Variants in CLTRN observed in about 807,000 individuals in gnomAD.
The protein encoded by CLTRN is collectrin, amino acid transport regulator, also known as collectrin.
Under a neutral mutation model 14.5 loss-of-function variants are expected in CLTRN, and 12 were observed. The ratio of observed to expected loss-of-function variants is 0.83; its 90% CI spans 0.53 to 1.34. CLTRN has a LOEUF of 1.34. Ranked by LOEUF, CLTRN falls within the 40% of genes most tolerant of loss-of-function variation. The probability of loss-of-function intolerance (pLI) is 0.00; values close to 1 mark genes in which losing one functional copy is unlikely to be tolerated. For synonymous variants in CLTRN, 58 were observed against 56.5 expected, an observed-to-expected ratio of 1.03 and a Z score of -0.12; for missense variants, 154 against 165.1, an observed-to-expected ratio of 0.93 and a Z score of 0.37.
intron 3 of CLTRN, chrX:15,646,500 CTACTGT>C: frequency 3.1e-6 from 1 of 327,868 alleles, no homozygotes. Flanking sequence ...GCACTGGGCC[CTACTGT>C]CCAGGCCCTT....
intron 3 of CLTRN, chrX:15,646,853 G>C (rs1198940614): frequency 3.3e-6 from 1 of 305,985 alleles, no homozygotes; most frequent in Non-Finnish European, 6.4e-6. Flanking sequence ...CCCGAGCGCA[G>C]AGGGAGCCCG....
intron 2 of CLTRN, among the ~76,000 whole-genome samples, chrX:15,660,806 CCAA>C (rs35179264): frequency 0.059 from 5,974 of 101,365 alleles, 427 homozygotes; most frequent in African/African-American, 0.19. Context: ...GACCCTGTCT[CCAA>C]CAACAACAAC....
intron 1 of CLTRN, 132 bp from the exon 2 acceptor site, chrX:15,664,527 C>T (rs1369773864): frequency 1.5e-6 from 1 of 656,884 alleles, no homozygotes; most frequent in African/African-American, 2.3e-5. Flanking sequence ...GCCCCAAATA[C>T]TCCTGGAAGT....
At chrX:15,633,430 A>T (rs1257496851) in intron 5 of CLTRN, among the ~76,000 whole-genome samples, 7 of 112,592 alleles carry the variant, frequency 6.2e-5, no homozygotes, top group Admixed American at 2.8e-4. Flanking sequence ...AGAATGAAAC[A>T]AGACTGGTGA....
intron 3 of CLTRN, chrX:15,646,877 C>T: frequency 3.3e-6 from 1 of 298,579 alleles, no homozygotes; most frequent in Non-Finnish European, 6.5e-6. Context: ...CCCAGGCCAT[C>T]TGCCTTCGGG....
chrX:15,651,195 T>C (rs765115225), intron 3 of CLTRN, among the ~76,000 whole-genome samples: 4 of 111,689 alleles, frequency 3.6e-5, no homozygotes, highest in Middle Eastern at 9.2e-3. Flanking sequence ...AGCCAGGATG[T>C]TAAACATGCT....
At chrX:15,628,544 T>C (rs1928619995) in intron 5 of CLTRN, among the ~76,000 whole-genome samples, 1 of 112,361 alleles carries the variant, frequency 8.9e-6, no homozygotes, top group South Asian at 3.7e-4. Flanking sequence ...TTAATAACAA[T>C]TGAATTGCTA....
At chrX:15,662,071 C>A (rs957950033) in intron 2 of CLTRN, among the ~76,000 whole-genome samples, 1 of 110,757 alleles carries the variant, frequency 9.0e-6, no homozygotes, top group African/African-American at 3.3e-5. Context: ...GATGACCTAC[C>A]CCCAAATTGC....
At chrX:15,641,655 T>TGTGTGTGC (rs1555981629) in intron 4 of CLTRN, among the ~76,000 whole-genome samples, 2 of 108,671 alleles carry the variant, frequency 1.8e-5, no homozygotes, top group African/African-American at 3.4e-5. Flanking sequence ...TGTGTGTGTG[T>TGTGTGTGC]GTGTGTGTGT....
chrX:15,650,180 C>A (rs1280227429), intron 3 of CLTRN, among the ~76,000 whole-genome samples: 1 of 104,970 alleles, frequency 9.5e-6, no homozygotes, highest in Non-Finnish European at 1.9e-5. Context: ...GGAACCCCCC[C>A]ACCAAGTGTT....
At chrX:15,628,275 C>T (rs1040620411) in intron 5 of CLTRN, 148 bp from the exon 6 acceptor site, 9 of 393,951 alleles carry the variant, frequency 2.3e-5, no homozygotes, top group Non-Finnish European at 3.5e-5. Context: ...AATTTTCAAA[C>T]GAATTTCAAA....
chrX:15,654,441 T>C (rs1049795636), intron 3 of CLTRN, among the ~76,000 whole-genome samples: 2 of 112,645 alleles, frequency 1.8e-5, no homozygotes, highest in Non-Finnish European at 3.8e-5. Context: ...TCCTTAGAAA[T>C]TCCTTTCAAC....
At chrX:15,658,102 G>A (rs1272895836) in intron 3 of CLTRN, among the ~76,000 whole-genome samples, 1 of 111,922 alleles carries the variant, frequency 8.9e-6, no homozygotes, top group Non-Finnish European at 1.9e-5. Context: ...ACTTTAATCA[G>A]CAGGCAGAAT....
intron 3 of CLTRN, among the ~76,000 whole-genome samples, chrX:15,649,468 C>A (rs778601454): frequency 8.9e-6 from 1 of 112,280 alleles, no homozygotes; most frequent in African/African-American, 3.2e-5. Flanking sequence ...AGTTCCTGGA[C>A]TGAAACTCTA....
At chrX:15,660,658 T>C (rs1431321647) in intron 2 of CLTRN, among the ~76,000 whole-genome samples, 3 of 102,063 alleles carry the variant, frequency 2.9e-5, no homozygotes, top group Non-Finnish European at 4.0e-5. Context: ...AAAAAAAAAA[T>C]CAGCCAGGCG....
chrX:15,659,879 G>A (rs1261059963), intron 2 of CLTRN, among the ~76,000 whole-genome samples: 1 of 112,024 alleles, frequency 8.9e-6, no homozygotes, highest in Non-Finnish European at 1.9e-5. Context: ...GTTGTGTAAG[G>A]CACCCAGTCT....
intron 2 of CLTRN, among the ~76,000 whole-genome samples, chrX:15,664,014 T>C (rs1267024406): frequency 9.0e-6 from 1 of 110,909 alleles, no homozygotes; most frequent in Non-Finnish European, 1.9e-5. Flanking sequence ...CGGTGAGGAG[T>C]AGACCCAGTC....
chrX:15,636,721 T>C (rs1012152091), intron 5 of CLTRN, among the ~76,000 whole-genome samples: 4 of 111,807 alleles, frequency 3.6e-5, no homozygotes, highest in Non-Finnish European at 7.5e-5. Flanking sequence ...CTCTTAATCA[T>C]AGCAATGGCT....
upstream of CLTRN, among the ~76,000 whole-genome samples, chrX:15,665,819 T>C (rs1569256385): frequency 8.9e-6 from 1 of 112,269 alleles, no homozygotes; most frequent in East Asian, 2.8e-4. Flanking sequence ...ACAATTGTTA[T>C]CATCATCTCA....
Sources: gnomAD v4.1 joint callset for allele counts (sites outside exome capture counted in the v4.1 genomes callset) on GRCh38, gnomAD v4.1.1 for gene constraint, MANE v1.5 for transcripts, NCBI Gene and HGNC (gene_info 2026-07-23, HGNC 2026-07-21) for gene names.